RARB: variants seen among roughly 807,000 people sequenced by gnomAD.
RARB encodes HBV-activated protein.
A neutral mutation model predicts 51.9 loss-of-function variants in RARB; 17 were observed. The observed-to-expected ratio is 0.33, with a 90% CI of 0.22 to 0.49. The LOEUF (loss-of-function observed/expected upper bound fraction) is 0.49, where lower values mean the gene tolerates loss of function less well. Ranked by LOEUF, RARB falls within the 20% of genes least tolerant of loss-of-function variation. The pLI, the probability that RARB is intolerant of heterozygous loss-of-function variation, is 0.99. For missense variants in RARB, 369 were observed against 550.8 expected (o/e 0.67, Z 3.30); for synonymous variants, 215 against 195.4 (o/e 1.10, Z -0.84).
At chr3:24,933,789 A>G (rs980339847) in intron 2 of RARB, among the ~76,000 whole-genome samples, 3 of 152,102 alleles carry the variant, frequency 2.0e-5, no homozygotes, top group Non-Finnish European at 4.4e-5. Flanking sequence ...TTTTCCCATA[A>G]TCTTTTTATC....
chr3:24,861,606 A>C (rs1416672598), intron 2 of RARB, among the ~76,000 whole-genome samples: 3 of 152,054 alleles, frequency 2.0e-5, no homozygotes, highest in Non-Finnish European at 4.4e-5. Context: ...AAAAAAAAAA[A>C]AAAAAAAAAC....
At chr3:25,311,996 A>C (rs1356060685) in intron 5 of RARB, among the ~76,000 whole-genome samples, 1 of 152,256 alleles carries the variant, frequency 6.6e-6, no homozygotes, top group East Asian at 1.9e-4. Flanking sequence ...TTAGAAAAAA[A>C]AGGAAAAAAA....
At chr3:24,901,711 C>G (rs1250652221) in intron 2 of RARB, among the ~76,000 whole-genome samples, 1 of 152,102 alleles carries the variant, frequency 6.6e-6, no homozygotes, top group African/African-American at 2.4e-5. Context: ...GTAAGTTATC[C>G]TTCTTGTGAT....
At chr3:25,090,298 A>G (rs960394462) in intron 3 of RARB, among the ~76,000 whole-genome samples, 7 of 152,214 alleles carry the variant, frequency 4.6e-5, no homozygotes, top group Middle Eastern at 3.4e-3. Flanking sequence ...ACATTTTAAT[A>G]TTGTCTATTC....
chr3:24,967,536 C>A (rs1009505297), intron 2 of RARB, among the ~76,000 whole-genome samples: 1 of 152,102 alleles, frequency 6.6e-6, no homozygotes, highest in African/African-American at 2.4e-5. Flanking sequence ...ATGCATCTTT[C>A]AGCAGATTTG....
At chr3:25,338,432 A>T (rs1051699620) in intron 5 of RARB, among the ~76,000 whole-genome samples, 1 of 152,180 alleles carries the variant, frequency 6.6e-6, no homozygotes, top group Non-Finnish European at 1.5e-5. Flanking sequence ...ACAGAGAGAC[A>T]TTCTCTTTGC....
intron 2 of RARB, among the ~76,000 whole-genome samples, chr3:25,496,131 G>A (rs1432102484): frequency 1.3e-5 from 2 of 152,164 alleles, no homozygotes; most frequent in Non-Finnish European, 1.5e-5. Flanking sequence ...TATGGCTCTG[G>A]TTATAGCTAG....
chr3:25,064,855 G>A (rs1698629275), intron 3 of RARB, among the ~76,000 whole-genome samples: 2 of 152,144 alleles, frequency 1.3e-5, no homozygotes, highest in South Asian at 4.1e-4. Flanking sequence ...TAGATGCCAA[G>A]GTAGTGATCA....
intron 1 of RARB, among the ~76,000 whole-genome samples, chr3:25,433,794 T>C (rs1708306324): frequency 6.6e-6 from 1 of 152,168 alleles, no homozygotes; most frequent in African/African-American, 2.4e-5. Context: ...CATTCCCAGC[T>C]TCCTTACCCC....
intron 5 of RARB, among the ~76,000 whole-genome samples, chr3:25,292,090 A>G (rs1703801577): frequency 6.6e-6 from 1 of 151,658 alleles, no homozygotes; most frequent in African/African-American, 2.4e-5. Flanking sequence ...ATTGTTTCTC[A>G]AACTCCCCAT....
rs375096568 is a variant in RARB at position 25,461,228 on chromosome 3, G to A, written c.193G>A (p.Val65Ile). ...ETQSTSSEEL[V>I]PSPPSPLPPP... ...ACAGAGCACCAGCTCTGAGGAACTC[G>A]TCCCAAGCCCCCCATCTCCACTTCC... The change falls in exon 2 of 8, where the codon GTC (valine) becomes ATC (isoleucine). Residue 65 changes from valine to isoleucine, a missense_variant. Val to Ile is a conservative substitution (Grantham distance 29, BLOSUM62 3). Around this residue, in one of 9 missense-constraint regions of RARB, gnomAD observed 99 missense variants for 95.1 expected, o/e 1.04. Coordinates refer to ENST00000330688, the MANE Select transcript of RARB (RefSeq NM_000965.5). 1.5e-4 allele frequency: 243 copies of A among 1,613,584 alleles called. No homozygotes were observed. The highest frequency in any genetic ancestry group is 9.0e-4 in the Admixed American group (54 of 59,926).
chr3:25,184,581 C>A (rs1447621162), intron 5 of RARB, among the ~76,000 whole-genome samples: 5 of 152,038 alleles, frequency 3.3e-5, no homozygotes, highest in African/African-American at 1.2e-4. Context: ...TGGCTGCTTC[C>A]AGACCCAGTC....
At chr3:25,428,249 A>G (rs937301564), upstream of RARB, 35 of 1,232,304 alleles carry the variant, frequency 2.8e-5, no homozygotes, top group Admixed American at 8.4e-5. Context: ...AGGCAATTCA[A>G]TCTTTCATTC....
intron 3 of RARB, among the ~76,000 whole-genome samples, chr3:25,506,252 CAAAAAAAAAAAAA>C (rs35856686): frequency 5.4e-4 from 31 of 57,778 alleles, no homozygotes; most frequent in Non-Finnish European, 9.5e-4. Flanking sequence ...GACTCCATCT[CAAAAAAAAAAAAA>C]AAAAAAAAAA....
At chr3:25,084,955 GC>G (rs1699077998) in intron 3 of RARB, among the ~76,000 whole-genome samples, 1 of 151,932 alleles carries the variant, frequency 6.6e-6, no homozygotes, top group Admixed American at 6.6e-5. Flanking sequence ...ACATTTTTAT[GC>G]AATGAGCATG....
intron 2 of RARB, among the ~76,000 whole-genome samples, chr3:25,031,798 T>C (rs778439720): frequency 9.2e-5 from 14 of 152,212 alleles, no homozygotes; most frequent in Non-Finnish European, 1.9e-4. Flanking sequence ...AATAATTCCA[T>C]ATCTTCATAT....
At chr3:24,970,250 C>T (rs1696367224) in intron 2 of RARB, among the ~76,000 whole-genome samples, 1 of 152,046 alleles carries the variant, frequency 6.6e-6, no homozygotes, top group African/African-American at 2.4e-5. Context: ...TTTAAGCAAT[C>T]AGCAAAGCAA....
At chr3:25,205,930 A>G (rs971369746) in intron 5 of RARB, among the ~76,000 whole-genome samples, 2 of 152,074 alleles carry the variant, frequency 1.3e-5, no homozygotes, top group Non-Finnish European at 2.9e-5. Flanking sequence ...TTCTACAAAA[A>G]CAACTTTAGT....
intron 2 of RARB, among the ~76,000 whole-genome samples, chr3:25,488,338 A>T (rs1696566443): frequency 6.6e-6 from 1 of 152,226 alleles, no homozygotes; most frequent in Non-Finnish European, 1.5e-5. Flanking sequence ...GTCCTGTTTC[A>T]TCTAAGGAAA....
Sources: allele counts gnomAD v4.1 joint callset (sites outside exome capture counted in the v4.1 genomes callset), GRCh38; gene constraint gnomAD v4.1.1; regional missense constraint gnomAD v4.1.1; transcripts MANE v1.5; gene names NCBI Gene and HGNC (gene_info 2026-07-23, HGNC 2026-07-21).